The following SYNDIG1L variants were observed in gnomAD, a reference collection of about 807,000 sequenced individuals.
SYNDIG1L encodes the protein synapse differentiation-inducing gene protein 1-like.
In SYNDIG1L, 13 loss-of-function variants were observed where a neutral mutation model predicts 20.1. The ratio of observed to expected loss-of-function variants is 0.65; its 90% confidence interval spans 0.42 to 1.03. The LOEUF (loss-of-function observed/expected upper bound fraction) is 1.03. SYNDIG1L is among the 50% of genes least tolerant of loss of function. SYNDIG1L has a pLI of 0.00. For missense variants in SYNDIG1L, 294 were observed against 305.1 expected (o/e 0.96, Z 0.27); for synonymous variants, 128 against 129.3 (o/e 0.99, Z 0.07).
intron 1 of SYNDIG1L, among the ~76,000 whole-genome samples, chr14:74,413,737 C>A (rs978346187): frequency 6.6e-6 from 1 of 152,034 alleles, no homozygotes; most frequent in Non-Finnish European, 1.5e-5. Flanking sequence ...GGTTTGGCGG[C>A]TGAGCACAGC....
chr14:74,440,444 G>A, the SYNDIG1L span, among the ~76,000 whole-genome samples: 1 of 151,700 alleles, frequency 6.6e-6, no homozygotes, highest in East Asian at 1.9e-4. Flanking sequence ...AACCCGGGGA[G>A]GTGGAGCTTG....
chr14:74,477,039 AACAC>A, the SYNDIG1L span, among the ~76,000 whole-genome samples: 5,516 of 95,926 alleles, frequency 0.058, 315 homozygotes, highest in African/African-American at 0.077. Context: ...CCCCATTCCC[AACAC>A]ACACACACAC....
chr14:74,410,547 G>A (rs567648647), intron 1 of SYNDIG1L, among the ~76,000 whole-genome samples: 26 of 152,224 alleles, frequency 1.7e-4, no homozygotes, highest in Non-Finnish European at 2.2e-4. Flanking sequence ...GGGCTGGACC[G>A]ACTGACCCCA....
At chr14:74,460,523 C>T in the SYNDIG1L span, among the ~76,000 whole-genome samples, 1,270 of 152,350 alleles carry the variant, frequency 8.3e-3, 7 homozygotes, top group Middle Eastern at 0.021. Flanking sequence ...CTCTCCCCAG[C>T]CTTTCAAACT....
chr14:74,417,158 A>T (rs1003878970), intron 1 of SYNDIG1L, among the ~76,000 whole-genome samples: 1 of 152,262 alleles, frequency 6.6e-6, no homozygotes, highest in Non-Finnish European at 1.5e-5. Flanking sequence ...GAGATCACAC[A>T]GCTAGAGAGT....
At chr14:74,479,182 T>G in the SYNDIG1L span, 2 of 152,220 alleles carry the variant, frequency 1.3e-5, no homozygotes, top group Non-Finnish European at 2.9e-5. Context: ...CTAGGAAAGC[T>G]TGGCTGTTGA....
At chr14:74,448,874 G>A in the SYNDIG1L span, among the ~76,000 whole-genome samples, 1 of 152,092 alleles carries the variant, frequency 6.6e-6, no homozygotes, top group African/African-American at 2.4e-5. Flanking sequence ...TTTAAGACCA[G>A]CCTGGGCAAC....
chr14:74,438,240 C>G, the SYNDIG1L span, among the ~76,000 whole-genome samples: 1 of 152,158 alleles, frequency 6.6e-6, no homozygotes, highest in South Asian at 2.1e-4. Context: ...TGGTTTAGGT[C>G]AGGGTCTTCC....
the SYNDIG1L span, among the ~76,000 whole-genome samples, chr14:74,465,548 A>C: frequency 6.6e-6 from 1 of 152,230 alleles, no homozygotes. Flanking sequence ...GGCACACACC[A>C]GGGAGCAGCA....
At chr14:74,475,961 T>C in the SYNDIG1L span, among the ~76,000 whole-genome samples, 101 of 152,342 alleles carry the variant, frequency 6.6e-4, no homozygotes, top group African/African-American at 2.4e-3. Context: ...AATTTGTACA[T>C]TACACATTAA....
At chr14:74,440,096 C>T in the SYNDIG1L span, among the ~76,000 whole-genome samples, 1 of 151,766 alleles carries the variant, frequency 6.6e-6, no homozygotes, top group South Asian at 2.1e-4. Context: ...TAATGCATCT[C>T]GGGCTGGGCG....
intron 1 of SYNDIG1L, among the ~76,000 whole-genome samples, chr14:74,420,059 G>T (rs902722901): frequency 6.6e-6 from 1 of 152,112 alleles, no homozygotes. Context: ...TTTAAGGTGG[G>T]TGAGAATGGA....
chr14:74,460,279 TC>T, the SYNDIG1L span, among the ~76,000 whole-genome samples: 1 of 152,220 alleles, frequency 6.6e-6, no homozygotes, highest in Non-Finnish European at 1.5e-5. Flanking sequence ...CGTGGATCCG[TC>T]TTGTTCACAG....
chr14:74,476,729 C>T, the SYNDIG1L span: 1,526 of 628,142 alleles, frequency 2.4e-3, 7 homozygotes, highest in South Asian at 0.011. Flanking sequence ...TCCACCCTCC[C>T]CTCCACCCCT....
intron 1 of SYNDIG1L, among the ~76,000 whole-genome samples, chr14:74,414,129 G>A (rs939278469): frequency 2.0e-5 from 3 of 152,190 alleles, no homozygotes; most frequent in African/African-American, 4.8e-5. Flanking sequence ...CATCACCACC[G>A]TTGTGGTTTA....
the SYNDIG1L span, among the ~76,000 whole-genome samples, chr14:74,477,039 A>AACACACAC: frequency 4.7e-4 from 46 of 97,054 alleles, no homozygotes; most frequent in East Asian, 1.8e-3. Flanking sequence ...CCCCATTCCC[A>AACACACAC]ACACACACAC....
chr14:74,422,099 G>T (rs896042106), intron 1 of SYNDIG1L, among the ~76,000 whole-genome samples: 1 of 152,144 alleles, frequency 6.6e-6, no homozygotes, highest in Non-Finnish European at 1.5e-5. Flanking sequence ...CTGTCTCTCC[G>T]CTGAAGCAGC....
the SYNDIG1L span, among the ~76,000 whole-genome samples, chr14:74,440,405 C>T: frequency 8.3e-4 from 126 of 151,092 alleles, no homozygotes; most frequent in African/African-American, 2.9e-3. Flanking sequence ...TCCCAGCTAC[C>T]GGGGAGGCTG....
chr14:74,468,450 C>A, the SYNDIG1L span, among the ~76,000 whole-genome samples: 1 of 152,040 alleles, frequency 6.6e-6, no homozygotes. Context: ...TTCCCTTTAC[C>A]TTCCTACCTC....
Sources: gnomAD v4.1 joint callset for allele counts (sites outside exome capture counted in the v4.1 genomes callset) on GRCh38, gnomAD v4.1.1 for gene constraint, MANE v1.5 for transcripts, NCBI Gene and HGNC (gene_info 2026-07-23, HGNC 2026-07-21) for gene names.